WASF1: variants seen among roughly 807,000 people sequenced by gnomAD.
The protein encoded by WASF1 is WASP family member 1.
WASF1 carries 7 observed loss-of-function variants against 50.5 expected under a neutral mutation model. The observed-to-expected ratio is 0.14, with a 90% CI of 0.08 to 0.26. WASF1 has a LOEUF of 0.26. Ranked by LOEUF, WASF1 falls within the 10% of genes least tolerant of loss-of-function variation. WASF1 has a pLI of 1.00. For synonymous variants in WASF1, 205 were observed against 244.0 expected, an observed-to-expected ratio of 0.84 and a Z score of 1.49; for missense variants, 470 against 694.7, an observed-to-expected ratio of 0.68 and a Z score of 3.64.
At chr6:110,159,106 C>G (rs1474107040) in intron 3 of WASF1, among the ~76,000 whole-genome samples, 1 of 151,914 alleles carries the variant, frequency 6.6e-6, no homozygotes, top group Non-Finnish European at 1.5e-5. Context: ...CCGTATGTCC[C>G]ATAGCAACTA....
At chr6:110,118,079 C>T (rs1417335388) in intron 4 of WASF1, among the ~76,000 whole-genome samples, 4 of 151,906 alleles carry the variant, frequency 2.6e-5, no homozygotes, top group African/African-American at 4.8e-5. Context: ...TAAAGAACAT[C>T]GATGCTAGGA....
At chr6:110,160,261 G>C (rs1776209166) in intron 3 of WASF1, among the ~76,000 whole-genome samples, 1 of 151,736 alleles carries the variant, frequency 6.6e-6, no homozygotes, top group Non-Finnish European at 1.5e-5. Context: ...AAAAAGAATG[G>C]GAAAACGAGA....
chr6:110,123,607 C>G (rs1036567574), intron 4 of WASF1, among the ~76,000 whole-genome samples: 14 of 152,128 alleles, frequency 9.2e-5, no homozygotes, highest in African/African-American at 3.1e-4. Context: ...AAGAAAAGAG[C>G]CTTGAAGTGC....
intron 3 of WASF1, among the ~76,000 whole-genome samples, chr6:110,153,075 T>C (rs1210336668): frequency 6.6e-6 from 1 of 152,180 alleles, no homozygotes; most frequent in African/African-American, 2.4e-5. Flanking sequence ...TTTATGGAAA[T>C]TTGGGTAATA....
chr6:110,161,271 C>T (rs1392123769), intron 2 of WASF1, among the ~76,000 whole-genome samples: 1 of 151,506 alleles, frequency 6.6e-6, no homozygotes, highest in Non-Finnish European at 1.5e-5. Context: ...ACCAACTAAC[C>T]TCATTTTACT....
intron 2 of WASF1, among the ~76,000 whole-genome samples, chr6:110,164,584 G>A (rs961220375): frequency 1.3e-5 from 2 of 151,562 alleles, no homozygotes; most frequent in African/African-American, 4.8e-5. Flanking sequence ...AGAATGCAGA[G>A]CAAGAAGAAC....
At chr6:110,116,120 G>T (rs1179122700) in intron 4 of WASF1, among the ~76,000 whole-genome samples, 1 of 152,210 alleles carries the variant, frequency 6.6e-6, no homozygotes, top group African/African-American at 2.4e-5. Flanking sequence ...AACTGATGCA[G>T]AAGACGGGTG....
intron 3 of WASF1, among the ~76,000 whole-genome samples, chr6:110,134,985 T>C (rs549306886): frequency 3.5e-4 from 53 of 152,364 alleles, no homozygotes; most frequent in African/African-American, 1.2e-3. Context: ...ATACTGATTC[T>C]ACCCACCCAT....
rs1258483263 is a variant in WASF1 at position 110,101,626 on chromosome 6, C to A, written c.1484G>T (p.Ser495Ile). Reference sequence around the variant, plus strand: ...TTCCAGTAGCACACTCCTGGCATCACTGATTACAGGTAGGGTTGATGGATG... The same window carrying A: ...TTCCAGTAGCACACTCCTGGCATCAATGATTACAGGTAGGGTTGATGGATG... ...KRHPSTLPVISDARSVLLEAI... is the reference protein window; with the variant it reads ...KRHPSTLPVIIDARSVLLEAI... Residue 495 changes from serine (S) to isoleucine (I), a missense_variant, in exon 10 of 11, where the codon AGT becomes ATT. By Grantham distance (142) the Ser-to-Ile change is moderately radical (BLOSUM62 -2). Around this residue, in one of 3 missense-constraint regions of WASF1, gnomAD observed 36 missense variants for 90.7 expected, o/e 0.40. Transcript: ENST00000392589. 1 of 1,613,878 alleles carries A rather than the reference C, an allele frequency of 6.2e-7. No homozygotes were observed.
At chr6:110,173,561 G>A (rs558554475) in intron 2 of WASF1, among the ~76,000 whole-genome samples, 3 of 152,232 alleles carry the variant, frequency 2.0e-5, no homozygotes, top group African/African-American at 4.8e-5. Flanking sequence ...CAGTTTGCTG[G>A]TTGACAAGTA....
chr6:110,102,321 G>A, intron 9 of WASF1, 105 bp from the exon 10 acceptor site: 1 of 1,183,960 alleles, frequency 8.4e-7, no homozygotes, highest in Non-Finnish European at 1.1e-6. Context: ...TATCAAAATG[G>A]ATCCAATAAC....
intron 4 of WASF1, among the ~76,000 whole-genome samples, chr6:110,124,264 CTCTCTCTCTCTATA>C (rs1562170374): frequency 5.6e-4 from 35 of 62,778 alleles, no homozygotes; most frequent in African/African-American, 2.8e-3. Context: ...CTCTCTCTCT[CTCTCTCTCTCTATA>C]TATATATATA....
intron 4 of WASF1, among the ~76,000 whole-genome samples, chr6:110,115,368 T>A (rs1773755900): frequency 6.6e-6 from 1 of 151,802 alleles, no homozygotes; most frequent in South Asian, 2.1e-4. Context: ...ACCTCAAACC[T>A]TGAAGGAAAA....
chr6:110,174,307 T>C (rs1397795409), intron 2 of WASF1, among the ~76,000 whole-genome samples: 4 of 152,176 alleles, frequency 2.6e-5, no homozygotes, highest in South Asian at 2.1e-4. Context: ...AATGTATTTG[T>C]TCAACACCTG....
intron 9 of WASF1, among the ~76,000 whole-genome samples, 194 bp from the exon 10 acceptor site, chr6:110,102,410 A>AATAAG (rs2114448244): frequency 6.6e-6 from 1 of 152,250 alleles, no homozygotes; most frequent in East Asian, 1.9e-4. Flanking sequence ...TAAAAAAATT[A>AATAAG]ATGAGTGGTG....
Position 110,101,646 on chromosome 6 carries a change from T to C in WASF1, c.1464A>G (p.Pro488=), listed in dbSNP as rs746013348. ...VIPASEPKRH[P]STLPVISDAR... ...CATCACTGATTACAGGTAGGGTTGA[T>C]GGATGGCGCTTTGGCTCAGAAGCAG... The change falls in exon 10 of 11, where the codon CCA becomes CCG. Residue 488 remains proline, a synonymous_variant. Transcript: ENST00000392589. 1.9e-6 allele frequency: 3 copies of C among 1,614,042 alleles called. No homozygotes were observed. Among genetic ancestry groups the C allele is most frequent in the Non-Finnish European group, 1.7e-6 (2 of 1,179,938 alleles).
At chr6:110,129,927 T>C (rs1372732662) in intron 3 of WASF1, among the ~76,000 whole-genome samples, 1 of 152,226 alleles carries the variant, frequency 6.6e-6, no homozygotes, top group Non-Finnish European at 1.5e-5. Flanking sequence ...TCATTTTTCA[T>C]GGTTTCAACT....
chr6:110,136,504 A>G (rs975372833), intron 3 of WASF1, among the ~76,000 whole-genome samples: 1 of 152,212 alleles, frequency 6.6e-6, no homozygotes, highest in African/African-American at 2.4e-5. Flanking sequence ...ACTGCCCACT[A>G]AGACTATACA....
intron 3 of WASF1, among the ~76,000 whole-genome samples, chr6:110,130,572 A>G (rs1036837807): frequency 1.3e-5 from 2 of 152,238 alleles, no homozygotes; most frequent in Non-Finnish European, 2.9e-5. Context: ...TCATTGCTGT[A>G]TAATAGTCCA....
Sources: gnomAD v4.1 joint callset for allele counts (sites outside exome capture counted in the v4.1 genomes callset) on GRCh38, gnomAD v4.1.1 for gene constraint, gnomAD v4.1.1 regional missense constraint, MANE v1.5 for transcripts, NCBI Gene and HGNC (gene_info 2026-07-23, HGNC 2026-07-21) for gene names.